Variants in NGF observed in about 807,000 individuals in gnomAD.
The protein encoded by NGF is beta-nerve growth factor.
A neutral mutation model predicts 12.8 loss-of-function variants in NGF; 4 were observed. The observed-to-expected ratio is 0.31, with a 90% CI of 0.15 to 0.72. The LOEUF (loss-of-function observed/expected upper bound fraction) is 0.72, where lower values mean the gene tolerates loss of function less well. Ranked by LOEUF, NGF falls within the 30% of genes least tolerant of loss-of-function variation. NGF has a pLI of 0.69. For missense variants in NGF, 283 were observed against 330.8 expected, an observed-to-expected ratio of 0.86 and a Z score of 1.12; for synonymous variants, 140 against 130.0, an observed-to-expected ratio of 1.08 and a Z score of -0.52.
chr1:115,299,609 A>G (rs554451967), intron 1 of NGF, among the ~76,000 whole-genome samples: 2 of 152,346 alleles, frequency 1.3e-5, no homozygotes, highest in East Asian at 3.9e-4. Flanking sequence ...TACAGAGTTG[A>G]GGGCAGAATA....
rs187405948 is a variant in NGF at position 115,327,262 on chromosome 1, C to T, written c.-137+10942G>A. ...TAAAATTATTATTTTTTGGCTTAAT[C>T]ATAAAGATGCTTTAAAAAGAACCTT... On this transcript the variant is annotated intron_variant, in intron 1 of 2. Coordinates refer to ENST00000369512, the MANE Select transcript of NGF (RefSeq NM_002506.3). Among the ~76,000 whole-genome samples the T allele has an allele frequency of 1.9e-3, 294 of 152,306 alleles. 3 individuals carry two copies. In the Middle Eastern group the frequency reaches 0.027, roughly 14 times the overall value.
chr1:115,315,562 G>T (rs536064703), intron 1 of NGF, among the ~76,000 whole-genome samples: 6 of 152,276 alleles, frequency 3.9e-5, no homozygotes, highest in African/African-American at 1.4e-4. Context: ...AGGATTGAAG[G>T]CAGAATCAAG....
intron 1 of NGF, among the ~76,000 whole-genome samples, chr1:115,314,124 A>C (rs542284452): frequency 1.3e-5 from 2 of 152,276 alleles, no homozygotes; most frequent in East Asian, 3.9e-4. Flanking sequence ...GTAGAAGTGT[A>C]GCAGAAATAA....
chr1:115,297,701 T>A (rs1331518450), intron 1 of NGF, among the ~76,000 whole-genome samples: 1 of 152,188 alleles, frequency 6.6e-6, no homozygotes, highest in Admixed American at 6.5e-5. Flanking sequence ...CCCTAATCCC[T>A]CCACACTCAG....
chr1:115,306,713 C>T (rs530466524), intron 1 of NGF, among the ~76,000 whole-genome samples: 8 of 152,300 alleles, frequency 5.3e-5, no homozygotes, highest in African/African-American at 1.9e-4. Flanking sequence ...AGCCCATTGC[C>T]TCTAGAAACT....
At chr1:115,303,082 A>T (rs777720391) in intron 1 of NGF, among the ~76,000 whole-genome samples, 2 of 152,242 alleles carry the variant, frequency 1.3e-5, no homozygotes, top group Non-Finnish European at 2.9e-5. Context: ...TTTAAGAAAT[A>T]AAAAACCCCA....
At chr1:115,295,444 A>G (rs1653836527) in intron 1 of NGF, among the ~76,000 whole-genome samples, 1 of 152,178 alleles carries the variant, frequency 6.6e-6, no homozygotes. Flanking sequence ...ATGCTCTCCC[A>G]GGGTTGGAGT....
chr1:115,286,891 T>A, intron 2 of NGF, 84 bp from the exon 3 acceptor site: 1 of 1,519,060 alleles, frequency 6.6e-7, no homozygotes. Flanking sequence ...AGAGTTGACC[T>A]CCCAAGGGGA....
In NGF at chr1:115,286,811, G is replaced by C; in HGVS notation, c.-12-4C>G. ...ACATGGACATTACGCTATGCACCTG[G>C]AATGAAAAAGAAATGAGGGTGACTT... On this transcript the variant is annotated splice_region_variant and splice_polypyrimidine_tract_variant and intron_variant, in intron 2 of 2. Coordinates refer to ENST00000369512, the MANE Select transcript of NGF (RefSeq NM_002506.3). The C allele has an allele frequency of 6.2e-7, 1 of 1,614,044 alleles. No homozygotes were observed. Among genetic ancestry groups the C allele is most frequent in the South Asian group, 1.1e-5 (1 of 91,072 alleles).
rs541248668 is a variant in NGF at position 115,321,234 on chromosome 1, T to C, written c.-137+16970A>G. Among the ~76,000 whole-genome samples the C allele has an allele frequency of 2.0e-5, 3 of 152,212 alleles. No individual in the cohort carries two copies. The East Asian group carries it at 5.8e-4, about 29-fold the overall frequency. ...TCAGGAGGGAGAGAACTATGTATGG[T>C]TTTTTCCACTGTTGTATCACCAGTG... On this transcript the variant is annotated intron_variant, in intron 1 of 2. Transcript: ENST00000369512.
At chr1:115,292,983 C>T (rs1653749720) in intron 2 of NGF, among the ~76,000 whole-genome samples, 1 of 151,722 alleles carries the variant, frequency 6.6e-6, no homozygotes, top group South Asian at 2.1e-4. Context: ...TAATGGGAAC[C>T]AAATCTACTG....
chr1:115,315,713 G>C (rs1654459834), intron 1 of NGF, among the ~76,000 whole-genome samples: 2 of 152,164 alleles, frequency 1.3e-5, no homozygotes, highest in Admixed American at 1.3e-4. Flanking sequence ...GAGGTCAAGG[G>C]CTATAAATGT....
intron 1 of NGF, among the ~76,000 whole-genome samples, chr1:115,301,294 G>A (rs1027967536): frequency 3.9e-5 from 6 of 151,966 alleles, no homozygotes; most frequent in African/African-American, 1.2e-4. Context: ...CACAATCACC[G>A]CACTTCTCAA....
intron 2 of NGF, 132 bp from the exon 3 acceptor site, chr1:115,286,939 G>C: frequency 1.8e-6 from 2 of 1,117,764 alleles, no homozygotes; most frequent in Non-Finnish European, 2.7e-6. Context: ...GCACTTCTGA[G>C]AGGGAAAGGG....
At chr1:115,306,182 G>T (rs974567637) in intron 1 of NGF, among the ~76,000 whole-genome samples, 2 of 152,156 alleles carry the variant, frequency 1.3e-5, no homozygotes, top group Admixed American at 1.3e-4. Context: ...TCTAAAACAA[G>T]AAATTACCAA....
At chr1:115,333,985 A>G (rs1394937541) in intron 1 of NGF, among the ~76,000 whole-genome samples, 1 of 151,902 alleles carries the variant, frequency 6.6e-6, no homozygotes, top group Non-Finnish European at 1.5e-5. Flanking sequence ...GACATTATTC[A>G]TTTTAACCCT....
intron 1 of NGF, among the ~76,000 whole-genome samples, chr1:115,302,018 T>C (rs1654050857): frequency 6.6e-6 from 1 of 152,260 alleles, no homozygotes; most frequent in African/African-American, 2.4e-5. Flanking sequence ...GATTAACTTC[T>C]TGAGGTCTTA....
chr1:115,295,185 C>T (rs1044339451), intron 1 of NGF, among the ~76,000 whole-genome samples: 7 of 152,222 alleles, frequency 4.6e-5, no homozygotes, highest in East Asian at 1.9e-4. Context: ...ATTCCAACCA[C>T]GAAGAGGAGT....
Position 115,286,799 on chromosome 1 carries a change from G to T in NGF, c.-4C>A. ...GAGTGTAGAACAACATGGACATTAC[G>T]CTATGCACCTGGAATGAAAAAGAAA... On this transcript the variant is annotated 5_prime_UTR_variant, in exon 3 of 3. Coordinates refer to ENST00000369512, the MANE Select transcript of NGF (RefSeq NM_002506.3). 6.2e-7 allele frequency: 1 copy of T among 1,614,090 alleles called. No individual in the cohort carries two copies. The highest frequency in any genetic ancestry group is 8.5e-7 in the Non-Finnish European group (1 of 1,180,038).
Sources: allele counts gnomAD v4.1 joint callset (sites outside exome capture counted in the v4.1 genomes callset), GRCh38; gene constraint gnomAD v4.1.1; transcripts MANE v1.5; gene names NCBI Gene and HGNC (gene_info 2026-07-23, HGNC 2026-07-21).